Variants in MBD2 observed in about 807,000 individuals in gnomAD.
The protein encoded by MBD2 is methyl-CpG-binding domain protein 2.
MBD2 carries 9 observed loss-of-function variants against 39.3 expected under a neutral mutation model. The observed-to-expected ratio is 0.23, with a 90% confidence interval of 0.14 to 0.40. The LOEUF (loss-of-function observed/expected upper bound fraction) is 0.40. Among genes scored for constraint, MBD2 ranks in the 10% least tolerant of loss-of-function variants. MBD2 has a pLI of 1.00. For synonymous variants in MBD2, 233 were observed against 211.1 expected (o/e 1.10, Z -0.90); for missense variants, 458 against 532.6 (o/e 0.86, Z 1.38).
intron 1 of MBD2, among the ~76,000 whole-genome samples, chr18:54,214,603 CCAAG>C (rs1451982682): frequency 6.6e-6 from 1 of 152,150 alleles, no homozygotes; most frequent in African/African-American, 2.4e-5. Context: ...CACATAATTA[CCAAG>C]CATGCGCTTC....
intron 2 of MBD2, among the ~76,000 whole-genome samples, chr18:54,200,319 T>C (rs2086396484): frequency 6.6e-6 from 1 of 152,264 alleles, no homozygotes; most frequent in African/African-American, 2.4e-5. Flanking sequence ...ATTAAATTAA[T>C]GTTAGGGAAC....
rs545122796 is a variant in MBD2, at chr18:54,208,283, G to A, written c.543-3126C>T. Among the ~76,000 whole-genome samples the A allele has an allele frequency of 5.3e-5, 8 of 152,104 alleles. No individual in the cohort carries two copies. The South Asian group carries it at 1.0e-3, about 20-fold the overall frequency. On this transcript the variant is annotated intron_variant, in intron 1 of 6. Transcript: ENST00000256429. Reference sequence around the variant, plus strand: ...CAAGGCAGGCAGATCACCTGAGTTCGGGAGTTTGCGACCAGCCTGACCAAC... The same window carrying A: ...CAAGGCAGGCAGATCACCTGAGTTCAGGAGTTTGCGACCAGCCTGACCAAC...
Position 54,224,187 on chromosome 18 carries a change from C to G in MBD2, c.373G>C (p.Glu125Gln). ...GSGGGGAPRR[E>Q]PVPFPSGSAG... Reference sequence around the variant, plus strand: ...CTCCCCGACGGGAAAGGGACCGGCTCCCGCCGGGGGGCGCCGCCGCCACCG... The same window carrying G: ...CTCCCCGACGGGAAAGGGACCGGCTGCCGCCGGGGGGCGCCGCCGCCACCG... Residue 125 changes from glutamate (E) to glutamine (Q), a missense_variant, in exon 1 of 7, where the codon GAG becomes CAG. Physicochemically the swap from Glu to Gln is conservative, Grantham distance 29. This residue lies in a region of MBD2 where 269 missense variants were observed against 236.0 expected (regional missense o/e 1.14). Coordinates refer to ENST00000256429, the MANE Select transcript of MBD2 (RefSeq NM_003927.5). 1 of 1,238,778 alleles carries G rather than the reference C, an allele frequency of 8.1e-7. No individual in the cohort carries two copies. Among genetic ancestry groups the G allele is most frequent in the Non-Finnish European group, 1.0e-6 (1 of 992,250 alleles). 76.7% of individuals were successfully genotyped at this position (1,238,778 alleles called of 1,614,324 possible).
chr18:54,207,282 TCCTG>T (rs1401659332), intron 1 of MBD2, among the ~76,000 whole-genome samples: 1 of 152,134 alleles, frequency 6.6e-6, no homozygotes, highest in Non-Finnish European at 1.5e-5. Flanking sequence ...CACAGCAACA[TCCTG>T]CCTATCAAAA....
chr18:54,216,895 A>T (rs2144350946), intron 1 of MBD2, among the ~76,000 whole-genome samples: 2 of 152,334 alleles, frequency 1.3e-5, no homozygotes, highest in Middle Eastern at 6.8e-3. Flanking sequence ...GTTCGAGACC[A>T]GCCTGGCCAA....
At chr18:54,165,760 T>C (rs1333733299) in intron 4 of MBD2, among the ~76,000 whole-genome samples, 1 of 152,208 alleles carries the variant, frequency 6.6e-6, no homozygotes, top group Non-Finnish European at 1.5e-5. Flanking sequence ...AGAAATTCTG[T>C]TACTCATCCG....
intron 1 of MBD2, among the ~76,000 whole-genome samples, chr18:54,207,684 C>T (rs529374013): frequency 2.0e-5 from 3 of 152,296 alleles, no homozygotes; most frequent in South Asian, 2.1e-4. Flanking sequence ...TAAAGTATTA[C>T]TAATGACCTA....
intron 2 of MBD2, among the ~76,000 whole-genome samples, chr18:54,200,339 A>G (rs760459676): frequency 4.6e-5 from 7 of 152,252 alleles, no homozygotes; most frequent in Non-Finnish European, 1.0e-4. Flanking sequence ...CTTGAATTTT[A>G]TTAGTTTTGT....
At chr18:54,161,621 C>T (rs149978446) in intron 5 of MBD2, among the ~76,000 whole-genome samples, 1 of 152,328 alleles carries the variant, frequency 6.6e-6, no homozygotes, top group African/African-American at 2.4e-5. Flanking sequence ...AGAATTTTAT[C>T]TTAAACTCTA....
intron 2 of MBD2, among the ~76,000 whole-genome samples, chr18:54,193,686 A>T (rs531312570): frequency 6.6e-6 from 1 of 152,312 alleles, no homozygotes; most frequent in African/African-American, 2.4e-5. Context: ...CCTTTGGAAA[A>T]GATCAATAGT....
chr18:54,221,239 C>T (rs868009594), intron 1 of MBD2, among the ~76,000 whole-genome samples: 24 of 151,952 alleles, frequency 1.6e-4, no homozygotes, highest in African/African-American at 5.3e-4. Flanking sequence ...GGGTGGATCA[C>T]GAGGTCAGGA....
rs1199705579 is a variant in MBD2, at chr18:54,221,294, A to G, written c.542+2724T>C. On this transcript the variant is annotated intron_variant, in intron 1 of 6. Transcript: ENST00000256429. The stretch of plus-strand genomic sequence containing the variant: ...AACACGGTAAAACCCTGTCTCTACT[A>G]AAAGATACAAAAAATTAGCTGGGCG... 2.0e-5 allele frequency among the ~76,000 whole-genome samples: 3 copies of G among 151,874 alleles called. No individual in the cohort carries two copies. The East Asian group carries it at 5.8e-4, about 29-fold the overall frequency.
At chr18:54,204,920 G>A in intron 2 of MBD2, 78 bp downstream of exon 2, 3 of 1,432,780 alleles carry the variant, frequency 2.1e-6, no homozygotes, top group East Asian at 4.6e-5. Context: ...CAAAATTCCA[G>A]TCACTTAATT....
At position 54,204,268 on chromosome 18, in the gene MBD2, A is replaced by C. The variant is rs1005851340; in HGVS notation, c.702+730T>G. Among the ~76,000 whole-genome samples the C allele has an allele frequency of 1.3e-4, 20 of 152,360 alleles. No homozygotes were observed. The East Asian group carries it at 3.9e-3, about 29-fold the overall frequency. ...TTAGAGGAAGAAAAACTAAGAAAAAATAGTCACATATGTTTAGTTGTCCCC... is the reference window on the plus strand; with the variant it reads ...TTAGAGGAAGAAAAACTAAGAAAAACTAGTCACATATGTTTAGTTGTCCCC... On this transcript the variant is annotated intron_variant, in intron 2 of 6. Coordinates refer to ENST00000256429, the MANE Select transcript of MBD2 (RefSeq NM_003927.5).
At chr18:54,210,762 G>A (rs62096967) in intron 1 of MBD2, among the ~76,000 whole-genome samples, 1 of 151,490 alleles carries the variant, frequency 6.6e-6, no homozygotes, top group East Asian at 1.9e-4. Flanking sequence ...CTTCCCATCA[G>A]TATCAGGAAA....
chr18:54,194,557 G>GTGTATATATATATATATATA (rs565457822), intron 2 of MBD2, among the ~76,000 whole-genome samples: 4 of 148,710 alleles, frequency 2.7e-5, no homozygotes, highest in African/African-American at 9.9e-5. Flanking sequence ...GTGTGTGTGT[G>GTGTATATATATATATATATA]TATATATATA....
At chr18:54,213,530 C>A (rs563917995) in intron 1 of MBD2, among the ~76,000 whole-genome samples, 2 of 151,936 alleles carry the variant, frequency 1.3e-5, no homozygotes, top group Non-Finnish European at 2.9e-5. Flanking sequence ...CACTAAAATG[C>A]GAAAAAATGA....
intron 2 of MBD2, among the ~76,000 whole-genome samples, chr18:54,189,230 T>C (rs1297093391): frequency 1.3e-5 from 2 of 149,906 alleles, no homozygotes; most frequent in African/African-American, 4.9e-5. Context: ...ATACTTTTTT[T>C]TTTTTTTTTT....
At chr18:54,178,696 T>C (rs1044262911) in intron 3 of MBD2, among the ~76,000 whole-genome samples, 3 of 152,160 alleles carry the variant, frequency 2.0e-5, no homozygotes, top group African/African-American at 7.2e-5. Context: ...TTGATAGAAT[T>C]GGATTTGAAT....
Sources: allele counts gnomAD v4.1 joint callset (sites outside exome capture counted in the v4.1 genomes callset), GRCh38; gene constraint gnomAD v4.1.1; regional missense constraint gnomAD v4.1.1; transcripts MANE v1.5; gene names NCBI Gene and HGNC (gene_info 2026-07-23, HGNC 2026-07-21).